Variants in EVI5 observed in about 807,000 individuals in gnomAD.
EVI5 encodes ecotropic viral integration site 5.
EVI5 carries 73 observed loss-of-function variants against 112.0 expected under a neutral mutation model. That is an observed-to-expected ratio of 0.65 (90% CI 0.54 to 0.79). The LOEUF (loss-of-function observed/expected upper bound fraction) is 0.79. Ranked by LOEUF, EVI5 falls within the 30% of genes least tolerant of loss-of-function variation. EVI5 has a pLI of 0.00. For missense variants in EVI5, 900 were observed against 968.8 expected, an observed-to-expected ratio of 0.93 and a Z score of 0.94; for synonymous variants, 305 against 319.9, an observed-to-expected ratio of 0.95 and a Z score of 0.50.
At chr1:92,546,301 C>G (rs1665687047) in intron 19 of EVI5, among the ~76,000 whole-genome samples, 1 of 152,206 alleles carries the variant, frequency 6.6e-6, no homozygotes, top group South Asian at 2.1e-4. Flanking sequence ...TCCAGGTCCC[C>G]TGACTGAAGT....
chr1:92,695,837 T>C (rs563170630), intron 6 of EVI5, among the ~76,000 whole-genome samples: 1 of 152,274 alleles, frequency 6.6e-6, no homozygotes, highest in South Asian at 2.1e-4. Context: ...AGGCACTATC[T>C]ACCACTGATC....
At chr1:92,781,815 C>T (rs1684894951) in intron 1 of EVI5, among the ~76,000 whole-genome samples, 1 of 151,826 alleles carries the variant, frequency 6.6e-6, no homozygotes, top group Admixed American at 6.6e-5. Context: ...ATTAGCTGGG[C>T]ATGGTGGTGC....
chr1:92,790,733 C>T (rs981414655), intron 1 of EVI5, among the ~76,000 whole-genome samples: 2 of 151,530 alleles, frequency 1.3e-5, no homozygotes, highest in African/African-American at 4.9e-5. Flanking sequence ...GTGGGAAGAT[C>T]ACTTGAGCCC....
intron 2 of EVI5, chr1:92,713,997 C>T (rs1275405790): frequency 2.8e-5 from 27 of 979,242 alleles, no homozygotes; most frequent in African/African-American, 3.5e-5. Flanking sequence ...TGAGACTTAC[C>T]TCCATAAATT....
At position 92,513,880 on chromosome 1, in the gene EVI5, A is replaced by T; in HGVS notation, c.2257T>A (p.Ser753Thr). Residue 753 changes from serine (S) to threonine (T), a missense_variant, in exon 20 of 20, where the codon TCA becomes ACA. Physicochemically the swap from Ser to Thr is moderately conservative, Grantham distance 58. Transcript: ENST00000684568. ...IVNHLIGDDE[S>T]FHSSDEDFID... ...AAATCTTCATCGGAGGAATGGAATG[A>T]TTCATCATCTCCTATTAAATGGTTG... is the stretch of plus-strand genomic sequence containing the variant. 6.2e-7 allele frequency: 1 copy of T among 1,613,086 alleles called. No individual in the cohort carries two copies. The highest frequency in any genetic ancestry group is 2.2e-5 in the East Asian group (1 of 44,846).
intron 1 of EVI5, chr1:92,774,138 G>C (rs571317954): frequency 6.6e-6 from 1 of 152,156 alleles, no homozygotes; most frequent in African/African-American, 2.4e-5. Context: ...GATAAGGGAG[G>C]ACTACTGTAT....
chr1:92,734,298 T>C (rs754576979), intron 2 of EVI5, among the ~76,000 whole-genome samples: 10 of 152,168 alleles, frequency 6.6e-5, no homozygotes, highest in Non-Finnish European at 1.0e-4. Context: ...GTGTTACAAA[T>C]GAGAAGAAAG....
chr1:92,664,540 T>G (rs1476883939), intron 11 of EVI5, among the ~76,000 whole-genome samples: 1 of 149,604 alleles, frequency 6.7e-6, no homozygotes, highest in East Asian at 1.9e-4. Flanking sequence ...AGATATTTAG[T>G]GGGAAAAAAG....
intron 15 of EVI5, among the ~76,000 whole-genome samples, chr1:92,624,980 G>A (rs1655367762): frequency 6.6e-6 from 1 of 152,100 alleles, no homozygotes; most frequent in Non-Finnish European, 1.5e-5. Flanking sequence ...GCAGATCTGG[G>A]ATATAAACTC....
intron 9 of EVI5, among the ~76,000 whole-genome samples, chr1:92,680,949 C>T (rs186719200): frequency 3.3e-5 from 5 of 152,142 alleles, no homozygotes; most frequent in African/African-American, 4.8e-5. Flanking sequence ...GTATTAACAC[C>T]TAAATCCTAC....
intron 13 of EVI5, among the ~76,000 whole-genome samples, chr1:92,648,845 C>A (rs1305715172): frequency 6.6e-6 from 1 of 152,216 alleles, no homozygotes; most frequent in African/African-American, 2.4e-5. Flanking sequence ...TATACACATA[C>A]TTGTTTGAGT....
chr1:92,675,601 C>G (rs1310613412), intron 10 of EVI5, among the ~76,000 whole-genome samples: 1 of 152,092 alleles, frequency 6.6e-6, no homozygotes, highest in Non-Finnish European at 1.5e-5. Flanking sequence ...TCTCTCCCCA[C>G]TCATCAGGAT....
At chr1:92,756,348 C>A in intron 1 of EVI5, 1 of 505,834 alleles carries the variant, frequency 2.0e-6, no homozygotes. Flanking sequence ...CACTACACAG[C>A]CAAATATGCA....
chr1:92,718,323 C>T (rs1490818537), intron 2 of EVI5, among the ~76,000 whole-genome samples: 2 of 152,148 alleles, frequency 1.3e-5, no homozygotes, highest in Non-Finnish European at 2.9e-5. Context: ...TATAAAAGAA[C>T]AGAAATCACA....
intron 14 of EVI5, among the ~76,000 whole-genome samples, chr1:92,633,869 A>T (rs1658059666): frequency 6.6e-6 from 1 of 152,170 alleles, no homozygotes; most frequent in Non-Finnish European, 1.5e-5. Flanking sequence ...CTTTTAGGGC[A>T]GGCCTGGTGG....
chr1:92,661,055 A>G (rs1663919163), intron 13 of EVI5, among the ~76,000 whole-genome samples: 1 of 152,032 alleles, frequency 6.6e-6, no homozygotes, highest in South Asian at 2.1e-4. Flanking sequence ...TTGAGTATAC[A>G]AGATCACATA....
At chr1:92,774,002 G>A (rs982255357) in intron 1 of EVI5, 1 of 148,774 alleles carries the variant, frequency 6.7e-6, no homozygotes, top group Admixed American at 6.8e-5. Context: ...CTGCACTACA[G>A]TCTGGGCAAC....
intron 13 of EVI5, among the ~76,000 whole-genome samples, chr1:92,655,815 C>T: frequency 6.6e-6 from 1 of 152,042 alleles, no homozygotes; most frequent in Non-Finnish European, 1.5e-5. Context: ...TAGGAGGTAC[C>T]CAGATTCATA....
intron 12 of EVI5, among the ~76,000 whole-genome samples, chr1:92,663,151 A>G (rs530033112): frequency 1.3e-5 from 2 of 152,328 alleles, no homozygotes; most frequent in South Asian, 2.1e-4. Context: ...TTTTCAATGA[A>G]TAGTAGTTAA....
Sources: gnomAD v4.1 joint callset for allele counts (sites outside exome capture counted in the v4.1 genomes callset) on GRCh38, gnomAD v4.1.1 for gene constraint, MANE v1.5 for transcripts, NCBI Gene and HGNC (gene_info 2026-07-23, HGNC 2026-07-21) for gene names.